VCL: variants seen among roughly 807,000 people sequenced by gnomAD.
The protein encoded by VCL is vinculin.
Under a neutral mutation model 125.7 loss-of-function variants are expected in VCL, and 47 were observed. The ratio of observed to expected loss-of-function variants is 0.37; its 90% CI spans 0.30 to 0.48. The LOEUF (loss-of-function observed/expected upper bound fraction) is 0.48. Ranked by LOEUF, VCL falls within the 20% of genes least tolerant of loss-of-function variation. The pLI is 0.99. For synonymous variants in VCL, 458 were observed against 514.6 expected, an observed-to-expected ratio of 0.89 and a Z score of 1.49; for missense variants, 1,069 against 1,455.5, an observed-to-expected ratio of 0.73 and a Z score of 4.32.
chr10:74,101,537 TATTA>T (rs1399390405), intron 14 of VCL, among the ~76,000 whole-genome samples: 5 of 149,166 alleles, frequency 3.4e-5, no homozygotes, highest in African/African-American at 5.0e-5. Flanking sequence ...AAGGACTATT[TATTA>T]GTTTTTTTTT....
chr10:74,116,124 C>T (rs1253608395), intron 21 of VCL, among the ~76,000 whole-genome samples: 1 of 152,170 alleles, frequency 6.6e-6, no homozygotes, highest in Non-Finnish European at 1.5e-5. Flanking sequence ...CCCCACCCAA[C>T]GTGGGGAACT....
chr10:74,070,963 A>G lies in VCL; in HGVS notation c.391-12A>G. 6.2e-7 allele frequency: 1 copy of G among 1,613,984 alleles called. No homozygotes were observed. Among genetic ancestry groups the G allele is most frequent in the Non-Finnish European group, 8.5e-7 (1 of 1,179,910 alleles). ...CACCCATGTGATTGAATACTCTGAA[A>G]TATTTTTTCAGGTCCGTAAAATTAT... On this transcript the variant is annotated splice_polypyrimidine_tract_variant and intron_variant, in intron 3 of 21. Coordinates refer to ENST00000211998, the MANE Select transcript of VCL (RefSeq NM_014000.3).
intron 11 of VCL, among the ~76,000 whole-genome samples, chr10:74,094,803 G>A (rs948223234): frequency 2.0e-5 from 3 of 152,116 alleles, no homozygotes; most frequent in African/African-American, 7.2e-5. Context: ...ATGCTCACCT[G>A]TAGTCACACC....
intron 5 of VCL, 27 bp downstream of exon 5, chr10:74,072,879 TA>T (rs1841685086): frequency 6.2e-7 from 1 of 1,613,836 alleles, no homozygotes; most frequent in Non-Finnish European, 8.5e-7. Context: ...CTTTATTTTA[TA>T]GGGGGGAAAA....
intron 2 of VCL, among the ~76,000 whole-genome samples, chr10:74,049,757 T>C (rs1280098539): frequency 6.6e-6 from 1 of 152,132 alleles, no homozygotes; most frequent in Non-Finnish European, 1.5e-5. Context: ...TGCTGAGCAG[T>C]AGGATGACAA....
At chr10:74,004,002 T>C (rs1487298950) in intron 1 of VCL, among the ~76,000 whole-genome samples, 2 of 152,236 alleles carry the variant, frequency 1.3e-5, no homozygotes, top group Non-Finnish European at 2.9e-5. Flanking sequence ...ATTATAGGCA[T>C]GATCCACTGT....
Position 74,095,731 on chromosome 10 carries a change from ATCT to A in VCL, c.1623_1625del (p.Leu542del). The A allele has an allele frequency of 1.2e-6, 2 of 1,614,114 alleles. No individual in the cohort carries two copies. Among genetic ancestry groups the A allele is most frequent in the Non-Finnish European group, 1.7e-6 (2 of 1,180,014 alleles). ...GTTATGATGGGGCCTTATCGGCAAGATCTTCTCGCCAAGTGTGACCGAGTGGAC... is the reference window on the plus strand; with the variant it reads ...GTTATGATGGGGCCTTATCGGCAAGATCTCGCCAAGTGTGACCGAGTGGAC... On this transcript the variant is annotated inframe_deletion, in exon 12 of 22. Transcript: ENST00000211998.
downstream of VCL, chr10:74,121,214 G>T (rs997791009): frequency 1.3e-5 from 2 of 152,128 alleles, no homozygotes; most frequent in Admixed American, 6.6e-5. Flanking sequence ...ATGTTCACTG[G>T]TGCTGCCTTC....
chr10:74,057,977 C>G (rs1476746577), intron 2 of VCL, among the ~76,000 whole-genome samples: 2 of 152,146 alleles, frequency 1.3e-5, no homozygotes. Context: ...TTTTATGAAC[C>G]TGTTTTGGCA....
intron 1 of VCL, among the ~76,000 whole-genome samples, chr10:74,002,363 T>G (rs1200586210): frequency 2.7e-5 from 4 of 149,234 alleles, no homozygotes; most frequent in Non-Finnish European, 6.0e-5. Flanking sequence ...GACCTCAGGT[T>G]ATCCGCCCGC....
At position 73,998,141 on chromosome 10, in the gene VCL, C is replaced by T. The variant is rs1167641877; in HGVS notation, c.-67C>T. ...AGTCGCTGCACAGTCTGTCTCTTCG[C>T]CGGTTCCCGGCCCCGTGGATCCTAC... On this transcript the variant is annotated 5_prime_UTR_variant, in exon 1 of 22. Transcript: ENST00000211998. The T allele has an allele frequency of 4.4e-6, 7 of 1,577,266 alleles. No individual in the cohort carries two copies. The highest frequency in any genetic ancestry group is 1.7e-4 in the Middle Eastern group (1 of 6,054).
At position 74,036,313 on chromosome 10, in the gene VCL, C is replaced by G. The variant is rs570036427; in HGVS notation, c.169-6770C>G. ...TGCCTCCCAGGTTCAAGTGATTCTC[C>G]TGTCTCACCCTCCCGAGTAGCTGGG... On this transcript the variant is annotated intron_variant, in intron 1 of 21. Coordinates refer to ENST00000211998, the MANE Select transcript of VCL (RefSeq NM_014000.3). Among the ~76,000 whole-genome samples the G allele has an allele frequency of 1.1e-4, 17 of 152,242 alleles. 3 individuals are homozygous for G. Among genetic ancestry groups the G allele is most frequent in the African/African-American group, 3.9e-4 (16 of 41,530 alleles).
At chr10:74,036,375 A>G (rs574871119) in intron 1 of VCL, among the ~76,000 whole-genome samples, 1 of 151,460 alleles carries the variant, frequency 6.6e-6, no homozygotes, top group South Asian at 2.1e-4. Context: ...GCCAATTTTT[A>G]TATATTTAGT....
chr10:74,114,921 T>G, intron 21 of VCL, 22 bp downstream of exon 21: 1 of 1,567,772 alleles, frequency 6.4e-7, no homozygotes, highest in Non-Finnish European at 8.7e-7. Flanking sequence ...CTGTTTTTGG[T>G]TTCTGGCTGG....
intron 1 of VCL, among the ~76,000 whole-genome samples, chr10:74,025,330 T>A (rs1840750469): frequency 6.6e-6 from 1 of 151,930 alleles, no homozygotes; most frequent in Non-Finnish European, 1.5e-5. Flanking sequence ...TCTTCTTATT[T>A]TAAAAAGACA....
At chr10:74,032,950 G>A (rs1374027171) in intron 1 of VCL, among the ~76,000 whole-genome samples, 1 of 152,120 alleles carries the variant, frequency 6.6e-6, no homozygotes, top group African/African-American at 2.4e-5. Flanking sequence ...AAATGGTTTA[G>A]CCTCTTTGGA....
At chr10:74,073,153 A>T (rs772130063) in intron 5 of VCL, among the ~76,000 whole-genome samples, 1 of 151,922 alleles carries the variant, frequency 6.6e-6, no homozygotes. Flanking sequence ...GTGGGCCAGG[A>T]TGGTCTTGAT....
At chr10:74,082,241 G>T (rs919120845) in intron 6 of VCL, among the ~76,000 whole-genome samples, 1 of 152,206 alleles carries the variant, frequency 6.6e-6, no homozygotes, top group African/African-American at 2.4e-5. Context: ...ACTCTGTTTA[G>T]CAACAGAGTA....
At chr10:74,026,064 A>C (rs1840766601) in intron 1 of VCL, among the ~76,000 whole-genome samples, 2 of 152,186 alleles carry the variant, frequency 1.3e-5, no homozygotes, top group Admixed American at 1.3e-4. Context: ...CAAAGAAGCT[A>C]ATGTTTTATT....
Sources: allele counts gnomAD v4.1 joint callset (sites outside exome capture counted in the v4.1 genomes callset), GRCh38; gene constraint gnomAD v4.1.1; transcripts MANE v1.5; gene names NCBI Gene and HGNC (gene_info 2026-07-23, HGNC 2026-07-21).